Variants in SCHIP1 observed in about 807,000 individuals in gnomAD.
SCHIP1 encodes schwannomin-interacting protein 1.
In SCHIP1, 8 loss-of-function variants were observed where a neutral mutation model predicts 29.7. The observed-to-expected ratio is 0.27, with a 90% CI of 0.16 to 0.49. SCHIP1 has a LOEUF of 0.49. Ranked by LOEUF, SCHIP1 falls within the 20% of genes least tolerant of loss-of-function variation. The pLI is 0.99. For missense variants in SCHIP1, 193 were observed against 294.6 expected, an observed-to-expected ratio of 0.66 and a Z score of 2.52; for synonymous variants, 76 against 94.9, an observed-to-expected ratio of 0.80 and a Z score of 1.16.
At chr3:159,571,205 G>T in the SCHIP1 span, among the ~76,000 whole-genome samples, 5 of 152,128 alleles carry the variant, frequency 3.3e-5, 1 homozygote. Context: ...GGGCATCCTT[G>T]TCTTGTTCCG....
chr3:159,500,583 G>A, the SCHIP1 span, among the ~76,000 whole-genome samples: 7 of 151,678 alleles, frequency 4.6e-5, no homozygotes, highest in Non-Finnish European at 8.8e-5. Context: ...GTGTGGTGGC[G>A]GGCACCTGTA....
At chr3:159,582,149 G>C in the SCHIP1 span, among the ~76,000 whole-genome samples, 3 of 151,722 alleles carry the variant, frequency 2.0e-5, no homozygotes, top group Admixed American at 6.6e-5. Context: ...TTGGTTTTTT[G>C]TTTGTTGTTG....
At chr3:159,521,244 T>C in the SCHIP1 span, among the ~76,000 whole-genome samples, 16 of 152,320 alleles carry the variant, frequency 1.1e-4, no homozygotes, top group Non-Finnish European at 2.4e-4. Flanking sequence ...ACTCTTATCC[T>C]GATCAGAAGA....
the SCHIP1 span, among the ~76,000 whole-genome samples, chr3:159,654,841 C>T: frequency 1.3e-5 from 2 of 148,800 alleles, no homozygotes; most frequent in Non-Finnish European, 3.0e-5. Flanking sequence ...ACAAACCATG[C>T]GAAGACAATC....
upstream of SCHIP1, among the ~76,000 whole-genome samples, chr3:159,835,765 T>TC (rs1319498112): frequency 2.0e-5 from 3 of 152,186 alleles, no homozygotes; most frequent in Non-Finnish European, 4.4e-5. Context: ...CTATGCCCCT[T>TC]CCGGGTCAGT....
the SCHIP1 span, among the ~76,000 whole-genome samples, chr3:159,493,112 G>C: frequency 3.9e-5 from 6 of 152,224 alleles, no homozygotes; most frequent in Middle Eastern, 3.4e-3. Context: ...TACTAAACGT[G>C]GAAAGGAACA....
chr3:159,512,635 AC>A, the SCHIP1 span, among the ~76,000 whole-genome samples: 2 of 152,248 alleles, frequency 1.3e-5, no homozygotes, highest in Non-Finnish European at 2.9e-5. Flanking sequence ...ATACAGACAT[AC>A]AAGGTGAAAC....
the SCHIP1 span, among the ~76,000 whole-genome samples, chr3:159,774,152 G>A: frequency 6.6e-6 from 1 of 152,188 alleles, no homozygotes; most frequent in Non-Finnish European, 1.5e-5. Context: ...AGTTAAATTT[G>A]TAGGGCTGAA....
chr3:159,844,853 C>T, intron 1 of SCHIP1, among the ~76,000 whole-genome samples: 1 of 152,224 alleles, frequency 6.6e-6, no homozygotes, highest in East Asian at 1.9e-4. Context: ...ATATAGATCA[C>T]ACCCTGACAT....
the SCHIP1 span, among the ~76,000 whole-genome samples, chr3:159,587,681 C>G: frequency 1.3e-5 from 2 of 152,110 alleles, no homozygotes; most frequent in Non-Finnish European, 2.9e-5. Flanking sequence ...CAAGTGTTCT[C>G]ATTGTTCAAT....
At chr3:159,367,896 C>G in the SCHIP1 span, among the ~76,000 whole-genome samples, 1 of 152,132 alleles carries the variant, frequency 6.6e-6, no homozygotes, top group Non-Finnish European at 1.5e-5. Flanking sequence ...AAAATCCATG[C>G]TTTGGTAACT....
the SCHIP1 span, among the ~76,000 whole-genome samples, chr3:159,802,236 A>G: frequency 2.0e-5 from 3 of 152,340 alleles, no homozygotes; most frequent in South Asian, 6.2e-4. Flanking sequence ...AGATAAAGAA[A>G]CTGAAAAAGA....
the SCHIP1 span, among the ~76,000 whole-genome samples, chr3:159,300,881 G>A: frequency 6.6e-6 from 1 of 152,012 alleles, no homozygotes; most frequent in African/African-American, 2.4e-5. Flanking sequence ...CCTCCTTAAA[G>A]TTTTTGCAGA....
chr3:159,445,232 T>C, the SCHIP1 span, among the ~76,000 whole-genome samples: 1 of 152,234 alleles, frequency 6.6e-6, no homozygotes, highest in East Asian at 1.9e-4. Flanking sequence ...GAACAGACAC[T>C]TCTCAAAAGA....
the SCHIP1 span, among the ~76,000 whole-genome samples, chr3:159,788,046 G>A: frequency 1.3e-5 from 2 of 152,082 alleles, no homozygotes; most frequent in Admixed American, 1.3e-4. Flanking sequence ...TAATCTTATC[G>A]AGATGACTTT....
chr3:159,347,476 G>C, the SCHIP1 span, among the ~76,000 whole-genome samples: 1 of 152,180 alleles, frequency 6.6e-6, no homozygotes, highest in African/African-American at 2.4e-5. Flanking sequence ...CACACTAGTT[G>C]TAAGGAATGA....
the SCHIP1 span, among the ~76,000 whole-genome samples, chr3:159,818,129 T>C: frequency 1.3e-5 from 2 of 152,014 alleles, no homozygotes; most frequent in East Asian, 3.9e-4. Context: ...GGAGTGTGGA[T>C]CGAGGAGTAA....
chr3:159,822,678 T>G, the SCHIP1 span, among the ~76,000 whole-genome samples: 1 of 145,282 alleles, frequency 6.9e-6, no homozygotes, highest in Admixed American at 6.8e-5. Context: ...AAACCGCAAC[T>G]ACTTTTGCAC....
At chr3:159,506,881 A>G in the SCHIP1 span, among the ~76,000 whole-genome samples, 1 of 152,188 alleles carries the variant, frequency 6.6e-6, no homozygotes, top group African/African-American at 2.4e-5. Flanking sequence ...CTTGTAACAT[A>G]GTTTGAAGTC....
Sources: allele counts gnomAD v4.1 joint callset (sites outside exome capture counted in the v4.1 genomes callset), GRCh38; gene constraint gnomAD v4.1.1; transcripts MANE v1.5; gene names NCBI Gene and HGNC (gene_info 2026-07-23, HGNC 2026-07-21).